COL22A1: variants seen among roughly 807,000 people sequenced by gnomAD.
COL22A1 encodes collagen type XXII alpha 1 chain.
Under a neutral mutation model 248.9 loss-of-function variants are expected in COL22A1, and 221 were observed. The observed-to-expected ratio is 0.89, with a 90% CI of 0.80 to 0.99. The LOEUF (loss-of-function observed/expected upper bound fraction) is 0.99, where lower values mean the gene tolerates loss of function less well. Ranked by LOEUF, COL22A1 falls within the 50% of genes least tolerant of loss-of-function variation. COL22A1 has a pLI of 0.00. For synonymous variants in COL22A1, 891 were observed against 793.4 expected, an observed-to-expected ratio of 1.12 and a Z score of -2.07; for missense variants, 2,240 against 2,179.0, an observed-to-expected ratio of 1.03 and a Z score of -0.56.
chr8:138,644,185 G>A (rs533901766), intron 47 of COL22A1, among the ~76,000 whole-genome samples: 9 of 152,196 alleles, frequency 5.9e-5, no homozygotes, highest in Non-Finnish European at 1.3e-4. Context: ...CTGGAATTTG[G>A]CAGAAGTGAG....
intron 17 of COL22A1, among the ~76,000 whole-genome samples, chr8:138,761,824 G>A (rs1190922253): frequency 6.6e-6 from 1 of 152,114 alleles, no homozygotes; most frequent in Non-Finnish European, 1.5e-5. Flanking sequence ...CCCTTCTGGG[G>A]GCAACCAAGC....
intron 7 of COL22A1, among the ~76,000 whole-genome samples, chr8:138,819,116 G>T (rs1390075378): frequency 6.6e-6 from 1 of 152,064 alleles, no homozygotes; most frequent in Non-Finnish European, 1.5e-5. Context: ...GGTTTTTGAT[G>T]ATTTATCATT....
At chr8:138,776,471 ACTGT>A (rs1278227581) in intron 15 of COL22A1, among the ~76,000 whole-genome samples, 1 of 152,110 alleles carries the variant, frequency 6.6e-6, no homozygotes, top group Non-Finnish European at 1.5e-5. Context: ...GGATAGGGTC[ACTGT>A]CTGTCCCCAT....
At chr8:138,831,710 G>A (rs150090757) in intron 5 of COL22A1, among the ~76,000 whole-genome samples, 2 of 152,278 alleles carry the variant, frequency 1.3e-5, no homozygotes, top group East Asian at 1.9e-4. Context: ...TGAGCCAGGA[G>A]GCCACAAAGG....
At chr8:138,593,394 A>ATTT (rs1347024153) in intron 63 of COL22A1, among the ~76,000 whole-genome samples, 1 of 151,906 alleles carries the variant, frequency 6.6e-6, no homozygotes, top group African/African-American at 2.4e-5. Context: ...TTTTTTTTTA[A>ATTT]AAAAAAACCT....
intron 47 of COL22A1, among the ~76,000 whole-genome samples, chr8:138,639,708 G>T (rs78447591): frequency 0.024 from 3,723 of 152,168 alleles, 180 homozygotes; most frequent in African/African-American, 0.085. Flanking sequence ...TGAGACTTTT[G>T]CTAGCTTTGT....
chr8:138,881,762 T>C (rs1023143957), intron 2 of COL22A1, among the ~76,000 whole-genome samples: 1 of 152,170 alleles, frequency 6.6e-6, no homozygotes, highest in Non-Finnish European at 1.5e-5. Flanking sequence ...TGACAGGTGG[T>C]CTCCCTGGCT....
chr8:138,804,580 G>A (rs538561940), intron 10 of COL22A1, among the ~76,000 whole-genome samples: 1 of 152,300 alleles, frequency 6.6e-6, no homozygotes, highest in African/African-American at 2.4e-5. Flanking sequence ...AGAGGAGCTC[G>A]GTGATGCAGA....
chr8:138,825,540 G>C (rs1252489676), intron 6 of COL22A1, among the ~76,000 whole-genome samples: 1 of 152,162 alleles, frequency 6.6e-6, no homozygotes, highest in Non-Finnish European at 1.5e-5. Flanking sequence ...AAGACTAAAT[G>C]AATTAGTATT....
intron 50 of COL22A1, 123 bp from the exon 51 acceptor site, chr8:138,626,366 GCTTCTGTAT>G (rs1587705981): frequency 2.5e-6 from 2 of 812,448 alleles, no homozygotes; most frequent in Non-Finnish European, 4.1e-6. Context: ...AACAAGGAGT[GCTTCTGTAT>G]CAGCCTCATG....
intron 9 of COL22A1, among the ~76,000 whole-genome samples, chr8:138,809,538 T>TTTTTTTTTTTTTTTTTTTTTA (rs1818024322): frequency 1.3e-5 from 2 of 149,422 alleles, no homozygotes; most frequent in African/African-American, 4.9e-5. Context: ...CTTTTTTTTT[T>TTTTTTTTTTTTTTTTTTTTTA]GAGACAGAGT....
chr8:138,720,345 T>G (rs1035377059), intron 27 of COL22A1, among the ~76,000 whole-genome samples: 3 of 152,126 alleles, frequency 2.0e-5, no homozygotes, highest in Non-Finnish European at 4.4e-5. Flanking sequence ...CGAGCACTTG[T>G]ATCTGTTCCT....
At chr8:138,698,622 C>G (rs1827709847) in intron 32 of COL22A1, among the ~76,000 whole-genome samples, 1 of 152,250 alleles carries the variant, frequency 6.6e-6, no homozygotes, top group South Asian at 2.1e-4. Context: ...CCTCCTCATG[C>G]AGTGAGTGCT....
intron 5 of COL22A1, among the ~76,000 whole-genome samples, chr8:138,828,986 G>A (rs1329461832): frequency 6.6e-6 from 1 of 152,218 alleles, no homozygotes; most frequent in Admixed American, 6.5e-5. Flanking sequence ...TGACTTCCCT[G>A]CTGGAGGAGG....
chr8:138,844,300 G>C, intron 3 of COL22A1, 142 bp from the exon 4 acceptor site: 1 of 735,544 alleles, frequency 1.4e-6, no homozygotes, highest in South Asian at 1.5e-5. Context: ...GAGGCAGCTG[G>C]CATCTCCGCA....
intron 51 of COL22A1, among the ~76,000 whole-genome samples, chr8:138,625,153 A>G (rs1018805480): frequency 6.6e-6 from 1 of 152,210 alleles, no homozygotes. Flanking sequence ...ACTCCGAAGA[A>G]AAGGAAGATC....
intron 17 of COL22A1, among the ~76,000 whole-genome samples, chr8:138,761,870 G>A (rs1340745619): frequency 1.3e-5 from 2 of 152,110 alleles, no homozygotes; most frequent in African/African-American, 2.4e-5. Context: ...TTCTTCTAGC[G>A]ACGGTCTTTG....
chr8:138,792,396 A>T (rs1466045862), intron 12 of COL22A1, among the ~76,000 whole-genome samples: 1 of 152,244 alleles, frequency 6.6e-6, no homozygotes, highest in Non-Finnish European at 1.5e-5. Flanking sequence ...GATCTGCCTC[A>T]GGTGAGCCTG....
At chr8:138,762,591 C>CAA in intron 16 of COL22A1, 125 bp from the exon 17 acceptor site, 1 of 616,502 alleles carries the variant, frequency 1.6e-6, no homozygotes. Context: ...CGCACGTGCA[C>CAA]ACACACACAC....
Sources: allele counts gnomAD v4.1 joint callset (sites outside exome capture counted in the v4.1 genomes callset), GRCh38; gene constraint gnomAD v4.1.1; transcripts MANE v1.5; gene names NCBI Gene and HGNC (gene_info 2026-07-23, HGNC 2026-07-21).